The following MAMDC2 variants were observed in gnomAD, a reference collection of about 807,000 sequenced individuals.
MAMDC2 encodes the protein MAM domain-containing protein 2.
In MAMDC2, 57 loss-of-function variants were observed where a neutral mutation model predicts 89.8. The observed-to-expected ratio is 0.63, with a 90% CI of 0.51 to 0.79. MAMDC2 has a LOEUF of 0.79. Ranked by LOEUF, MAMDC2 falls within the 30% of genes least tolerant of loss-of-function variation. The probability of loss-of-function intolerance (pLI) is 0.00; values close to 1 mark genes in which losing one functional copy is unlikely to be tolerated. For missense variants in MAMDC2, 800 were observed against 820.6 expected, an observed-to-expected ratio of 0.97 and a Z score of 0.31; for synonymous variants, 313 against 293.4, an observed-to-expected ratio of 1.07 and a Z score of -0.68.
At chr9:70,173,745 A>G (rs1212816555) in intron 11 of MAMDC2, among the ~76,000 whole-genome samples, 2 of 152,180 alleles carry the variant, frequency 1.3e-5, no homozygotes, top group African/African-American at 4.8e-5. Flanking sequence ...ACATAGAAAA[A>G]TAGCACTGAA....
At position 70,076,452 on chromosome 9, in the gene MAMDC2, G is replaced by A. The variant is rs1326638573; in HGVS notation, c.148+31755G>A. Among the ~76,000 whole-genome samples, 8 of 151,988 alleles carry A rather than the reference G, an allele frequency of 5.3e-5. No individual in the cohort carries two copies. The East Asian group carries it at 9.7e-4, about 18-fold the overall frequency. ...AAAAAAAAATTAATGGCGGTACTTA[G>A]GGCCTCTCTTCCCTAGGCAATGGAT... On this transcript the variant is annotated intron_variant, in intron 2 of 13. Transcript: ENST00000377182.
At chr9:70,206,215 A>G (rs1483587250) in intron 11 of MAMDC2, among the ~76,000 whole-genome samples, 1 of 152,172 alleles carries the variant, frequency 6.6e-6, no homozygotes, top group Non-Finnish European at 1.5e-5. Flanking sequence ...AAAATATTAA[A>G]TGGGAAATTC....
At chr9:70,200,887 T>C (rs1362018733) in intron 11 of MAMDC2, among the ~76,000 whole-genome samples, 1 of 124,670 alleles carries the variant, frequency 8.0e-6, no homozygotes, top group Non-Finnish European at 1.7e-5. Flanking sequence ...GCTTGTGATT[T>C]TTGTACATTG....
chr9:70,225,798 A>G lies in MAMDC2; in HGVS notation c.1960A>G (p.Ile654Val). Reference sequence around the variant, plus strand: ...AGTATCAATAAGAAGTGATATTGCCATTGATGATGTTAAATTTCAGGCAGG... The same window carrying G: ...AGTATCAATAAGAAGTGATATTGCCGTTGATGATGTTAAATTTCAGGCAGG... ...RGVSIRSDIA[I>V]DDVKFQAGPC... The change falls in exon 13 of 14, where the codon ATT becomes GTT. Residue 654 changes from isoleucine (I) to valine (V), a missense_variant. By Grantham distance (29) the Ile-to-Val change is conservative. Transcript: ENST00000377182. 4.3e-6 allele frequency: 7 copies of G among 1,611,200 alleles called. No individual in the cohort carries two copies. The highest frequency in any genetic ancestry group is 5.9e-6 in the Non-Finnish European group (7 of 1,177,574).
rs771608400 is a variant in MAMDC2, at chr9:70,226,134, G to A, written c.*102G>A. On this transcript the variant is annotated 3_prime_UTR_variant, in exon 14 of 14. Coordinates refer to ENST00000377182, the MANE Select transcript of MAMDC2 (RefSeq NM_153267.5). ...CTGGACAGTCTTAACAATTTTATAAGTTATAAAATGACTTTAGAGCACCCT... is the reference window on the plus strand; with the variant it reads ...CTGGACAGTCTTAACAATTTTATAAATTATAAAATGACTTTAGAGCACCCT... The A allele has an allele frequency of 1.2e-5, 8 of 652,506 alleles. No homozygotes were observed. In the Admixed American group the frequency reaches 1.3e-4, roughly 11 times the overall value. 40.4% of individuals were successfully genotyped at this position (652,506 alleles called of 1,614,324 possible).
intron 9 of MAMDC2, among the ~76,000 whole-genome samples, chr9:70,167,179 CAG>C (rs933525886): frequency 1.3e-5 from 2 of 152,122 alleles, no homozygotes; most frequent in East Asian, 1.9e-4. Flanking sequence ...TGTATATATA[CAG>C]AGTTATACAT....
chr9:70,141,387 TG>T (rs1379799317), intron 8 of MAMDC2, among the ~76,000 whole-genome samples: 1 of 152,190 alleles, frequency 6.6e-6, no homozygotes, highest in African/African-American at 2.4e-5. Context: ...GATTAACTCC[TG>T]GGGAATACAA....
chr9:70,121,895 C>A (rs1387904727), intron 5 of MAMDC2, among the ~76,000 whole-genome samples: 1 of 152,134 alleles, frequency 6.6e-6, no homozygotes, highest in Non-Finnish European at 1.5e-5. Context: ...ACAATGGCAC[C>A]TGCAGCCACC....
intron 2 of MAMDC2, among the ~76,000 whole-genome samples, chr9:70,055,091 C>T (rs534783291): frequency 3.9e-5 from 6 of 152,208 alleles, no homozygotes; most frequent in South Asian, 2.1e-4. Flanking sequence ...CTTTTATAAG[C>T]TGCAGGAGAA....
chr9:70,111,512 G>A (rs1828510891), intron 4 of MAMDC2, among the ~76,000 whole-genome samples: 1 of 152,200 alleles, frequency 6.6e-6, no homozygotes, highest in South Asian at 2.1e-4. Context: ...CTGCTTTGAA[G>A]ATTGAATAAG....
chr9:70,140,227 T>C lies in MAMDC2; in HGVS notation c.1077T>C (p.Gly359=). 6.2e-7 allele frequency: 1 copy of C among 1,601,152 alleles called. No homozygotes were observed. The highest frequency in any genetic ancestry group is 8.5e-7 in the Non-Finnish European group (1 of 1,176,060). The stretch of plus-strand genomic sequence containing the variant: ...TTTACCAAGATAAAGAAGGTCCAGG[T>C]TGGACCCGAGTGAAAGTAAAACCAA... ...CNFYQDKEGP[G]WTRVKVKPNM... Residue 359 remains glycine (G), a synonymous_variant, in exon 8 of 14, where the codon GGT becomes GGC. Transcript: ENST00000377182.
chr9:70,179,819 C>CAG (rs3071622), intron 11 of MAMDC2, among the ~76,000 whole-genome samples: 1 of 145,138 alleles, frequency 6.9e-6, no homozygotes. Flanking sequence ...ACTGTGCACT[C>CAG]GCTACAAAAC....
intron 11 of MAMDC2, among the ~76,000 whole-genome samples, chr9:70,171,553 C>G (rs1004226250): frequency 6.6e-6 from 1 of 152,142 alleles, no homozygotes; most frequent in African/African-American, 2.4e-5. Flanking sequence ...ATCTTTCTCA[C>G]TCACACCCCC....
At chr9:70,061,056 G>A (rs1439647696) in intron 2 of MAMDC2, among the ~76,000 whole-genome samples, 2 of 152,134 alleles carry the variant, frequency 1.3e-5, no homozygotes, top group Admixed American at 6.5e-5. Context: ...TTATGCAAAT[G>A]CACAGTGTGT....
chr9:70,180,001 CATTAG>C (rs1240589415), intron 11 of MAMDC2, among the ~76,000 whole-genome samples: 31 of 151,514 alleles, frequency 2.0e-4, no homozygotes, highest in Non-Finnish European at 2.9e-5. Context: ...GCCCTGCATG[CATTAG>C]ATATTTGTCC....
chr9:70,218,363 C>A lies in MAMDC2; in HGVS notation c.1678C>A (p.His560Asn). ...VGYYMYIEAS[H>N]MVYGQKARLL... ...CTACTACATGTACATTGAGGCCTCC[C>A]ATATGGTGTATGGACAAAAAGCACG... is the stretch of plus-strand genomic sequence containing the variant. The change falls in exon 12 of 14, where the codon CAT becomes AAT. Residue 560 changes from histidine to asparagine, a missense_variant. Physicochemically the swap from His to Asn is moderately conservative, Grantham distance 68 (BLOSUM62 1). Coordinates refer to ENST00000377182, the MANE Select transcript of MAMDC2 (RefSeq NM_153267.5). The A allele has an allele frequency of 6.2e-7, 1 of 1,614,120 alleles. No individual in the cohort carries two copies. The highest frequency in any genetic ancestry group is 8.5e-7 in the Non-Finnish European group (1 of 1,180,010).
At chr9:70,049,396 A>G (rs1826837563) in intron 2 of MAMDC2, among the ~76,000 whole-genome samples, 1 of 152,010 alleles carries the variant, frequency 6.6e-6, no homozygotes, top group African/African-American at 2.4e-5. Flanking sequence ...ACAGTGATGA[A>G]TCCTGCCTGC....
At chr9:70,129,907 A>G (rs1272089204) in intron 6 of MAMDC2, among the ~76,000 whole-genome samples, 1 of 152,050 alleles carries the variant, frequency 6.6e-6, no homozygotes, top group Non-Finnish European at 1.5e-5. Flanking sequence ...GGGCCATGAG[A>G]GAAAATCTGC....
intron 2 of MAMDC2, among the ~76,000 whole-genome samples, chr9:70,076,336 G>A (rs1163028784): frequency 6.6e-6 from 1 of 152,000 alleles, no homozygotes; most frequent in Non-Finnish European, 1.5e-5. Flanking sequence ...CAGGAGAATT[G>A]CTGGAATAGG....
Sources: allele counts gnomAD v4.1 joint callset (sites outside exome capture counted in the v4.1 genomes callset), GRCh38; gene constraint gnomAD v4.1.1; transcripts MANE v1.5; gene names NCBI Gene and HGNC (gene_info 2026-07-23, HGNC 2026-07-21).